Variants in KLHL8 observed in about 807,000 individuals in gnomAD.
The protein encoded by KLHL8 is kelch-like protein 8.
In KLHL8, 38 loss-of-function variants were observed where a neutral mutation model predicts 63.5. The ratio of observed to expected loss-of-function variants is 0.60; its 90% CI spans 0.46 to 0.78. KLHL8 has a LOEUF of 0.78. Among genes scored for constraint, KLHL8 ranks in the 30% least tolerant of loss-of-function variants. KLHL8 has a pLI of 0.00. For missense variants in KLHL8, 566 were observed against 752.4 expected, an observed-to-expected ratio of 0.75 and a Z score of 2.90; for synonymous variants, 224 against 254.3, an observed-to-expected ratio of 0.88 and a Z score of 1.13.
At chr4:87,180,832 C>T (rs1320219225) in intron 4 of KLHL8, among the ~76,000 whole-genome samples, 1 of 151,940 alleles carries the variant, frequency 6.6e-6, no homozygotes, top group Non-Finnish European at 1.5e-5. Flanking sequence ...CACTTGAGCC[C>T]AGGCATTTGA....
At chr4:87,164,193 G>T in intron 8 of KLHL8, 114 bp from the exon 9 acceptor site, 1 of 999,956 alleles carries the variant, frequency 1.0e-6, no homozygotes, top group Non-Finnish European at 1.4e-6. Flanking sequence ...GAATGGTTTA[G>T]AGAAAATTTT....
chr4:87,237,850 C>T (rs1444714465), intron 1 of KLHL8, among the ~76,000 whole-genome samples: 1 of 152,042 alleles, frequency 6.6e-6, no homozygotes, highest in Non-Finnish European at 1.5e-5. Context: ...ACAGATTTGA[C>T]ACTGATAATA....
chr4:87,167,408 G>T, intron 8 of KLHL8: 1 of 456,072 alleles, frequency 2.2e-6, no homozygotes, highest in Non-Finnish European at 4.3e-6. Flanking sequence ...TATCTGGGTG[G>T]GCCAAATAAG....
chr4:87,212,034 G>A (rs1732425579), intron 1 of KLHL8, among the ~76,000 whole-genome samples: 1 of 152,076 alleles, frequency 6.6e-6, no homozygotes, highest in South Asian at 2.1e-4. Context: ...AAAAAAGGTA[G>A]ATTTAATGAA....
upstream of KLHL8, among the ~76,000 whole-genome samples, chr4:87,221,684 A>C (rs568272565): frequency 4.5e-4 from 69 of 151,972 alleles, 1 homozygote; most frequent in African/African-American, 1.7e-3. Context: ...ATGAACATAT[A>C]TATATCTGTA....
chr4:87,177,740 G>A (rs1245114785), intron 5 of KLHL8, among the ~76,000 whole-genome samples: 1 of 152,038 alleles, frequency 6.6e-6, no homozygotes, highest in Non-Finnish European at 1.5e-5. Context: ...CCAAGTAGCT[G>A]AGACCACAGG....
chr4:87,217,647 CTT>C (rs1216494811), intron 1 of KLHL8, among the ~76,000 whole-genome samples: 20 of 128,306 alleles, frequency 1.6e-4, no homozygotes, highest in South Asian at 2.5e-4. Context: ...AGCCTGGCCT[CTT>C]TTTTTTTTTT....
chr4:87,220,470 C>G lies in KLHL8; in HGVS notation c.-204G>C, dbSNP rs1046062754. 1 of 152,394 alleles carries G rather than the reference C, an allele frequency of 6.6e-6. No homozygotes were observed. Among genetic ancestry groups the G allele is most frequent in the Non-Finnish European group, 1.5e-5 (1 of 68,160 alleles). The allele number at this position is 152,394 out of a possible 1,614,324, so 9.4% of individuals were successfully genotyped here. A position where few individuals can be genotyped will look rare whatever the true frequency, so the allele number is the denominator to read the frequency against. On this transcript the variant is annotated 5_prime_UTR_variant, in exon 1 of 10. Transcript: ENST00000273963. Reference sequence around the variant, plus strand: ...TGTCGCTAAGGTTGCAGCCACGTTACCACGCTCCCAGAGCCCCGGCCGCCC... The same window carrying G: ...TGTCGCTAAGGTTGCAGCCACGTTAGCACGCTCCCAGAGCCCCGGCCGCCC...
chr4:87,226,913 AAATAAT>A, intron 1 of KLHL8, among the ~76,000 whole-genome samples: 1 of 42,332 alleles, frequency 2.4e-5, no homozygotes, highest in Non-Finnish European at 3.9e-5. Flanking sequence ...TATAATATAT[AAATAAT>A]ATATATATTA....
intron 1 of KLHL8, among the ~76,000 whole-genome samples, chr4:87,208,365 T>G (rs982779269): frequency 6.7e-6 from 1 of 150,178 alleles, no homozygotes; most frequent in South Asian, 2.1e-4. Context: ...CTTCTTCTTT[T>G]TTTCTTTTTT....
chr4:87,227,336 A>C (rs1733050456), intron 1 of KLHL8, among the ~76,000 whole-genome samples: 1 of 152,050 alleles, frequency 6.6e-6, no homozygotes, highest in African/African-American at 2.4e-5. Context: ...GCCATCTTGG[A>C]CCATAGAGTT....
chr4:87,221,653 A>G (rs1337103736), upstream of KLHL8, among the ~76,000 whole-genome samples: 1 of 152,052 alleles, frequency 6.6e-6, no homozygotes, highest in Non-Finnish European at 1.5e-5. Context: ...TATGAACATT[A>G]GCACATTGAT....
intron 2 of KLHL8, among the ~76,000 whole-genome samples, chr4:87,194,610 A>C (rs1213595427): frequency 6.6e-6 from 1 of 152,210 alleles, no homozygotes; most frequent in African/African-American, 2.4e-5. Flanking sequence ...AGAGTTCACC[A>C]AAAAATTTTA....
intron 1 of KLHL8, chr4:87,207,737 G>A: frequency 1.2e-6 from 1 of 865,508 alleles, no homozygotes; most frequent in East Asian, 2.4e-5. Flanking sequence ...AAGGCTGTGG[G>A]AAAGGCCCTC....
At chr4:87,185,829 T>C (rs1578375024) in intron 2 of KLHL8, 30 bp from the exon 3 acceptor site, 3 of 1,514,338 alleles carry the variant, frequency 2.0e-6, no homozygotes, top group Non-Finnish European at 2.7e-6. Context: ...AAAGATTCTG[T>C]TTAATATCAA....
chr4:87,160,256 A>G lies in KLHL8; in HGVS notation c.*3263T>C, dbSNP rs2149820643. The G allele has an allele frequency of 6.6e-6, 1 of 152,310 alleles. No homozygotes were observed. The highest frequency in any genetic ancestry group is 2.1e-4 in the South Asian group (1 of 4,826). The allele number at this position is 152,310 out of a possible 1,614,324, so 9.4% of individuals were successfully genotyped here. A position where few individuals can be genotyped will look rare whatever the true frequency, so the allele number is the denominator to read the frequency against. On this transcript the variant is annotated 3_prime_UTR_variant, in exon 10 of 10. Coordinates refer to ENST00000273963, the MANE Select transcript of KLHL8 (RefSeq NM_020803.5). ...ACACAAATTTATAAATGGTTTTAAG[A>G]AAATATTATAGAGAAGTTTTACTGA...
chr4:87,189,241 T>A (rs908845342), intron 2 of KLHL8, among the ~76,000 whole-genome samples: 1 of 152,168 alleles, frequency 6.6e-6, no homozygotes, highest in East Asian at 1.9e-4. Flanking sequence ...CAAGAGTAGG[T>A]TGCAGTCTGT....
At chr4:87,176,692 G>GCCTTTAAAT in intron 6 of KLHL8, 65 bp downstream of exon 6, 1 of 917,154 alleles carries the variant, frequency 1.1e-6, no homozygotes, top group Non-Finnish European at 1.7e-6. Flanking sequence ...TTAAAATAAG[G>GCCTTTAAAT]CCTTTAAATT....
chr4:87,185,876 G>C (rs969566847), intron 2 of KLHL8, 77 bp from the exon 3 acceptor site: 2 of 1,255,398 alleles, frequency 1.6e-6, no homozygotes, highest in South Asian at 1.6e-5. Context: ...TGTGTTTGTA[G>C]CAGGGACAAA....
Sources: gnomAD v4.1 joint callset for allele counts (sites outside exome capture counted in the v4.1 genomes callset) on GRCh38, gnomAD v4.1.1 for gene constraint, MANE v1.5 for transcripts, NCBI Gene and HGNC (gene_info 2026-07-23, HGNC 2026-07-21) for gene names.